Variants in KIF21A observed in about 807,000 individuals in gnomAD.
The protein encoded by KIF21A is kinesin family member 21A.
A neutral mutation model predicts 202.9 loss-of-function variants in KIF21A; 114 were observed. The observed-to-expected ratio is 0.56, with a 90% confidence interval of 0.48 to 0.66. KIF21A has a LOEUF of 0.66. KIF21A is among the 30% of genes least tolerant of loss of function. The probability of loss-of-function intolerance (pLI) is 0.00; values close to 1 mark genes in which losing one functional copy is unlikely to be tolerated. For synonymous variants in KIF21A, 667 were observed against 670.8 expected (o/e 0.99, Z 0.09); for missense variants, 1,677 against 1,994.9 (o/e 0.84, Z 3.04).
chr12:39,438,951 A>G (rs1939192795), intron 1 of KIF21A, among the ~76,000 whole-genome samples: 1 of 152,168 alleles, frequency 6.6e-6, no homozygotes, highest in Non-Finnish European at 1.5e-5. Flanking sequence ...TAGATTCTAC[A>G]TTGTACTTTA....
In KIF21A at chr12:39,372,624, T is replaced by C. The variant is rs78521247; in HGVS notation, c.45-2363A>G. Reference sequence around the variant, plus strand: ...GTGTACTGTAATACATATTAAATGATATTATAACAAACAAAGAATTTCTTG... The same window carrying C: ...GTGTACTGTAATACATATTAAATGACATTATAACAAACAAAGAATTTCTTG... On this transcript the variant is annotated intron_variant, in intron 1 of 37. Transcript: ENST00000361418. Among the ~76,000 whole-genome samples, 1,162 of 152,314 alleles carry C rather than the reference T, an allele frequency of 7.6e-3. 14 individuals carry two copies. Among genetic ancestry groups the C allele is most frequent in the African/African-American group, 0.026 (1,090 of 41,566 alleles).
In KIF21A at chr12:39,340,148, A is replaced by C. The variant is rs905198309; in HGVS notation, c.2310+17T>G. 3.1e-6 allele frequency: 5 copies of C among 1,598,382 alleles called. No individual in the cohort carries two copies. ...CATACTGAACATCAAACGTTAATGG[A>C]AAAAAATAATCAATACCTTTGTTTT... is the stretch of plus-strand genomic sequence containing the variant. On this transcript the variant is annotated intron_variant, in intron 16 of 37. Coordinates refer to ENST00000361418, the MANE Select transcript of KIF21A (RefSeq NM_001173464.2).
chr12:39,398,792 TG>T (rs1410828414), intron 1 of KIF21A, among the ~76,000 whole-genome samples: 1 of 152,138 alleles, frequency 6.6e-6, no homozygotes, highest in African/African-American at 2.4e-5. Flanking sequence ...TAAGATGCAT[TG>T]AGTATAAAGG....
chr12:39,436,422 T>TTATATATATATATA lies in KIF21A; in HGVS notation c.44+6491_44+6504dup, dbSNP rs1199818833. Among the ~76,000 whole-genome samples the TTATATATATATATA allele has an allele frequency of 1.7e-3, 173 of 99,078 alleles. 1 individual carries two copies. The highest frequency in any genetic ancestry group is 5.1e-3 in the Middle Eastern group (1 of 198). The allele number at this position is 99,078 out of a possible 152,430, so 65.0% of individuals were successfully genotyped here. On this transcript the variant is annotated intron_variant, in intron 1 of 37. Transcript: ENST00000361418. ...TCAATAATTATAAGGGTTTACTATA[T>TTATATATATATATA]TATATATATATATATATATATATAT... is the stretch of plus-strand genomic sequence containing the variant.
At chr12:39,315,058 T>C (rs766347638) in intron 31 of KIF21A, among the ~76,000 whole-genome samples, 171 bp downstream of exon 31, 27 of 152,020 alleles carry the variant, frequency 1.8e-4, no homozygotes, top group Non-Finnish European at 2.8e-4. Flanking sequence ...ATTCACATTT[T>C]GAAATATAAA....
At chr12:39,376,337 C>T (rs1950269767) in intron 1 of KIF21A, among the ~76,000 whole-genome samples, 1 of 152,054 alleles carries the variant, frequency 6.6e-6, no homozygotes, top group African/African-American at 2.4e-5. Flanking sequence ...CCCAATCATC[C>T]TTCTACTTTT....
At chr12:39,385,232 A>G (rs1310519234) in intron 1 of KIF21A, among the ~76,000 whole-genome samples, 2 of 152,138 alleles carry the variant, frequency 1.3e-5, no homozygotes, top group African/African-American at 4.8e-5. Context: ...AGAATCAGTT[A>G]TGTGAAGGCA....
At chr12:39,312,671 T>A (rs1201972554) in intron 31 of KIF21A, 1 of 151,848 alleles carries the variant, frequency 6.6e-6, no homozygotes, top group African/African-American at 2.4e-5. Flanking sequence ...AAATTTAAAA[T>A]AAAAAAATTA....
In KIF21A at chr12:39,301,637, C is replaced by T; in HGVS notation, c.4774G>A (p.Val1592Met). 1.2e-6 allele frequency: 2 copies of T among 1,614,066 alleles called. No homozygotes were observed. Among genetic ancestry groups the T allele is most frequent in the South Asian group, 1.1e-5 (1 of 91,080 alleles). The change falls in exon 37 of 38, where the codon GTG (valine) becomes ATG (methionine). Residue 1592 changes from valine to methionine, a missense_variant. Val to Met is a conservative substitution (Grantham distance 21). Transcript: ENST00000361418. ...AHKDWVCALG[V>M]VPDHPVLLSG... ...AGCAAAACTGGGTGGTCTGGCACCACTCCCAGGGCACAGACCCAATCCTTA... is the reference window on the plus strand; with the variant it reads ...AGCAAAACTGGGTGGTCTGGCACCATTCCCAGGGCACAGACCCAATCCTTA...
At chr12:39,383,568 T>A (rs1368701912) in intron 1 of KIF21A, among the ~76,000 whole-genome samples, 1 of 152,044 alleles carries the variant, frequency 6.6e-6, no homozygotes, top group Non-Finnish European at 1.5e-5. Flanking sequence ...GCAGGAGAAA[T>A]AAAGAATAAA....
chr12:39,330,663 T>C (rs2138073949), intron 23 of KIF21A, 83 bp downstream of exon 23: 7 of 1,171,002 alleles, frequency 6.0e-6, no homozygotes, highest in Middle Eastern at 1.9e-4. Flanking sequence ...AGTCAAGCCA[T>C]AGGGGAAAGG....
At chr12:39,392,829 C>T (rs1159501879) in intron 1 of KIF21A, among the ~76,000 whole-genome samples, 1 of 142,316 alleles carries the variant, frequency 7.0e-6, no homozygotes, top group Non-Finnish European at 1.5e-5. Context: ...ATTAATGAGC[C>T]ATACTAGATG....
Position 39,442,996 on chromosome 12 carries a change from G to C in KIF21A, c.-26C>G. On this transcript the variant is annotated 5_prime_UTR_variant, in exon 1 of 38. Coordinates refer to ENST00000361418, the MANE Select transcript of KIF21A (RefSeq NM_001173464.2). This position sits in a 1 kb window ranked among gnomAD's most constrained non-coding sequence, Gnocchi z 5.0. ...GCTGGCGGCGGGCAGCGATCGAGCC[G>C]TTGGGCCTCGGCACCGCAGAGCTGA... 6.6e-7 allele frequency: 1 copy of C among 1,517,392 alleles called. No homozygotes were observed. Among genetic ancestry groups the C allele is most frequent in the South Asian group, 1.2e-5 (1 of 82,104 alleles). 94.0% of individuals were successfully genotyped at this position (1,517,392 alleles called of 1,614,324 possible). A position where few individuals can be genotyped will look rare whatever the true frequency, so the allele number is the denominator to read the frequency against.
At position 39,330,869 on chromosome 12, in the gene KIF21A, C is replaced by T. The variant is rs915555359; in HGVS notation, c.3196G>A (p.Glu1066Lys). Residue 1066 changes from glutamate (E) to lysine (K), a missense_variant, in exon 23 of 38, where the codon GAA becomes AAA. Glu to Lys is a moderately conservative substitution (Grantham distance 56). Around this residue, in one of 3 missense-constraint regions of KIF21A, gnomAD observed 705 missense variants for 791.9 expected, o/e 0.89. Coordinates refer to ENST00000361418, the MANE Select transcript of KIF21A (RefSeq NM_001173464.2). The stretch of plus-strand genomic sequence containing the variant: ...ATTTCTGTTTGTTTGAGTCGACCTT[C>T]CAGTACTTTAATTTGAGCCTCTTTC... ...AQKEAQIKVL[E>K]GRLKQTEITS... 6 of 1,613,838 alleles carry T rather than the reference C, an allele frequency of 3.7e-6. No homozygotes were observed. In the African/African-American group the frequency reaches 6.7e-5, roughly 18 times the overall value.
At chr12:39,420,813 A>G (rs907111242) in intron 1 of KIF21A, among the ~76,000 whole-genome samples, 1 of 152,206 alleles carries the variant, frequency 6.6e-6, no homozygotes, top group African/African-American at 2.4e-5. Flanking sequence ...CAAATCCTGA[A>G]TGAAGCATAA....
At chr12:39,406,326 G>C (rs1952587740) in intron 1 of KIF21A, among the ~76,000 whole-genome samples, 1 of 152,138 alleles carries the variant, frequency 6.6e-6, no homozygotes, top group Non-Finnish European at 1.5e-5. Context: ...CAGACAGAAA[G>C]GGATGCATCA....
intron 1 of KIF21A, among the ~76,000 whole-genome samples, chr12:39,410,337 T>C (rs1394267611): frequency 6.6e-6 from 1 of 152,156 alleles, no homozygotes; most frequent in African/African-American, 2.4e-5. Flanking sequence ...TGGTAACTTG[T>C]TACAACAACA....
At chr12:39,352,056 A>C in intron 10 of KIF21A, 76 bp from the exon 11 acceptor site, 1 of 1,048,122 alleles carries the variant, frequency 9.5e-7, no homozygotes, top group Non-Finnish European at 1.5e-6. Context: ...AGTGTACCAC[A>C]CTACCATTTC....
Position 39,326,296 on chromosome 12 carries a change from A to G in KIF21A, c.3369T>C (p.Asp1123=), listed in dbSNP as rs759241370. The change falls in exon 25 of 38, where the codon GAT becomes GAC. Residue 1123 remains aspartate, a synonymous_variant. Coordinates refer to ENST00000361418, the MANE Select transcript of KIF21A (RefSeq NM_001173464.2). The part of the protein sequence containing the change: ...LENVEDSTDE[D]APLNSPGSEG... ...CTGATCCTGGGCTGTTTAAAGGAGC[A>G]TCCTCATCAGTACTATCCTCTACAT... 4 of 1,612,346 alleles carry G rather than the reference A, an allele frequency of 2.5e-6. No individual in the cohort carries two copies. Among genetic ancestry groups the G allele is most frequent in the Non-Finnish European group, 3.4e-6 (4 of 1,178,630 alleles).
Sources: allele counts gnomAD v4.1 joint callset (sites outside exome capture counted in the v4.1 genomes callset), GRCh38; gene constraint gnomAD v4.1.1; regional missense constraint gnomAD v4.1.1; non-coding constraint Gnocchi (gnomAD v3.1); transcripts MANE v1.5; gene names NCBI Gene and HGNC (gene_info 2026-07-23, HGNC 2026-07-21).